The following WWOX variants were observed in gnomAD, a reference collection of about 807,000 sequenced individuals.
WWOX encodes WW domain containing oxidoreductase, also known as WW domain-containing oxidoreductase.
Under a neutral mutation model 46.2 loss-of-function variants are expected in WWOX, and 69 were observed. That is an observed-to-expected ratio of 1.49 (90% CI 1.23 to 1.82). The LOEUF (loss-of-function observed/expected upper bound fraction) is 1.82. Among genes scored for constraint, WWOX ranks in the 40% most tolerant of loss-of-function variants. WWOX has a pLI of 0.00. For missense variants in WWOX, 919 were observed against 542.6 expected (o/e 1.69, Z -6.89); for synonymous variants, 359 against 202.6 (o/e 1.77, Z -6.56).
chr16:78,931,981 C>T (rs955464977), intron 8 of WWOX, among the ~76,000 whole-genome samples: 1 of 152,226 alleles, frequency 6.6e-6, no homozygotes, highest in Non-Finnish European at 1.5e-5. Flanking sequence ...AACTCTCTTG[C>T]CTGCTGCCAT....
At chr16:79,003,766 C>T (rs904946008) in intron 8 of WWOX, among the ~76,000 whole-genome samples, 1 of 152,134 alleles carries the variant, frequency 6.6e-6, no homozygotes, top group African/African-American at 2.4e-5. Flanking sequence ...AGTGGCACGG[C>T]CTTTTCTGAC....
chr16:78,927,388 C>G (rs1447877676), intron 8 of WWOX, among the ~76,000 whole-genome samples: 2 of 152,162 alleles, frequency 1.3e-5, no homozygotes, highest in African/African-American at 4.8e-5. Context: ...AGCAGACCAT[C>G]AATAACTGTT....
At chr16:78,871,457 C>G (rs947797837) in intron 8 of WWOX, among the ~76,000 whole-genome samples, 2 of 152,154 alleles carry the variant, frequency 1.3e-5, no homozygotes, top group Non-Finnish European at 2.9e-5. Flanking sequence ...ACCACAGTTT[C>G]CAGTGCTTCT....
chr16:78,977,979 C>G (rs1411149114), intron 8 of WWOX, among the ~76,000 whole-genome samples: 1 of 151,972 alleles, frequency 6.6e-6, no homozygotes, highest in African/African-American at 2.4e-5. Flanking sequence ...AATACCGCAT[C>G]TATTTCCAAA....
At chr16:78,101,237 C>T (rs1247262645) in intron 1 of WWOX, among the ~76,000 whole-genome samples, 2 of 149,810 alleles carry the variant, frequency 1.3e-5, no homozygotes, top group East Asian at 2.0e-4. Context: ...TTAGTAGAGA[C>T]GGGGTTTCAC....
At chr16:78,428,568 A>G (rs559038241) in intron 7 of WWOX, among the ~76,000 whole-genome samples, 1 of 152,328 alleles carries the variant, frequency 6.6e-6, no homozygotes, top group Admixed American at 6.5e-5. Context: ...ATTTGTCATC[A>G]TGGGATTCTT....
chr16:78,627,461 C>T (rs1397089258), intron 8 of WWOX, among the ~76,000 whole-genome samples: 1 of 152,220 alleles, frequency 6.6e-6, no homozygotes, highest in Non-Finnish European at 1.5e-5. Context: ...AAGGCCTCTT[C>T]CAATCTTGAC....
At chr16:78,837,715 A>T (rs1056179589) in intron 8 of WWOX, among the ~76,000 whole-genome samples, 4 of 152,168 alleles carry the variant, frequency 2.6e-5, no homozygotes, top group Non-Finnish European at 4.4e-5. Context: ...AATCCAAGTG[A>T]ATTTCTATTT....
At chr16:78,999,119 C>A (rs1319676732) in intron 8 of WWOX, among the ~76,000 whole-genome samples, 2 of 151,846 alleles carry the variant, frequency 1.3e-5, no homozygotes, top group Non-Finnish European at 2.9e-5. Flanking sequence ...AGCTCAAGAA[C>A]CCAGCGCCAG....
At chr16:79,024,961 G>C (rs117642506) in intron 8 of WWOX, among the ~76,000 whole-genome samples, 1 of 152,174 alleles carries the variant, frequency 6.6e-6, no homozygotes, top group African/African-American at 2.4e-5. Context: ...AGTGATGTGA[G>C]GCCTACACAA....
At chr16:78,679,210 C>A (rs955856681) in intron 8 of WWOX, among the ~76,000 whole-genome samples, 48 of 152,152 alleles carry the variant, frequency 3.2e-4, no homozygotes, top group Non-Finnish European at 5.1e-4. Context: ...TGCCCGAGAT[C>A]CTAGAACCCG....
At chr16:78,688,434 C>G (rs2047911207) in intron 8 of WWOX, among the ~76,000 whole-genome samples, 1 of 151,516 alleles carries the variant, frequency 6.6e-6, no homozygotes, top group East Asian at 1.9e-4. Flanking sequence ...AAGTCTCATT[C>G]ACTTCTTTCT....
intron 8 of WWOX, among the ~76,000 whole-genome samples, chr16:78,582,736 C>T (rs550004324): frequency 2.0e-5 from 3 of 152,176 alleles, no homozygotes; most frequent in Admixed American, 1.3e-4. Flanking sequence ...TTAGAAAAGT[C>T]TTCATCAATT....
chr16:78,900,159 C>T (rs1055204356), intron 8 of WWOX, among the ~76,000 whole-genome samples: 9 of 149,034 alleles, frequency 6.0e-5, no homozygotes, highest in African/African-American at 2.2e-4. Flanking sequence ...AGTAACAAAC[C>T]GTTCATCATT....
chr16:79,148,145 T>C (rs563621352), intron 8 of WWOX, among the ~76,000 whole-genome samples: 22 of 152,346 alleles, frequency 1.4e-4, no homozygotes, highest in Non-Finnish European at 2.9e-4. Flanking sequence ...AATAATTCTT[T>C]GGGTAACCAT....
intron 8 of WWOX, among the ~76,000 whole-genome samples, chr16:78,458,679 A>C (rs1277819151): frequency 6.6e-6 from 1 of 152,202 alleles, no homozygotes; most frequent in Admixed American, 6.5e-5. Context: ...TTAATTTTTT[A>C]GCATTAATAT....
intron 8 of WWOX, among the ~76,000 whole-genome samples, chr16:78,548,079 C>T (rs2044085000): frequency 6.7e-6 from 1 of 149,306 alleles, no homozygotes. Context: ...CACTTGAACC[C>T]AGGAGGTGGA....
intron 8 of WWOX, among the ~76,000 whole-genome samples, chr16:78,614,261 C>T (rs956317101): frequency 6.6e-6 from 1 of 152,180 alleles, no homozygotes; most frequent in Non-Finnish European, 1.5e-5. Context: ...CAGTCCTTTC[C>T]AGCTTGGGCA....
chr16:79,085,777 G>A (rs975667677), intron 8 of WWOX, among the ~76,000 whole-genome samples: 15 of 152,142 alleles, frequency 9.9e-5, no homozygotes, highest in African/African-American at 3.6e-4. Context: ...CAGGCATAGT[G>A]GCTCACACCT....
Sources: allele counts gnomAD v4.1 joint callset (sites outside exome capture counted in the v4.1 genomes callset), GRCh38; gene constraint gnomAD v4.1.1; transcripts MANE v1.5; gene names NCBI Gene and HGNC (gene_info 2026-07-23, HGNC 2026-07-21).